Variants in IQGAP2 observed in about 807,000 individuals in gnomAD.
IQGAP2 encodes ras GTPase-activating-like protein IQGAP2.
In IQGAP2, 173 loss-of-function variants were observed where a neutral mutation model predicts 201.3. That is an observed-to-expected ratio of 0.86 (90% CI 0.76 to 0.98). The LOEUF (loss-of-function observed/expected upper bound fraction) is 0.98, where lower values mean the gene tolerates loss of function less well. Ranked by LOEUF, IQGAP2 falls within the 50% of genes least tolerant of loss-of-function variation. The pLI, the probability that IQGAP2 is intolerant of heterozygous loss-of-function variation, is 0.00. For synonymous variants in IQGAP2, 675 were observed against 673.9 expected (o/e 1.00, Z -0.03); for missense variants, 1,687 against 1,864.8 (o/e 0.90, Z 1.76).
At chr5:76,519,424 A>C (rs1245208026) in intron 2 of IQGAP2, among the ~76,000 whole-genome samples, 1 of 152,220 alleles carries the variant, frequency 6.6e-6, no homozygotes, top group Non-Finnish European at 1.5e-5. Flanking sequence ...CCTTGGAGAG[A>C]GATACCACAG....
intron 1 of IQGAP2, among the ~76,000 whole-genome samples, chr5:76,432,006 T>C (rs1469873261): frequency 6.6e-6 from 1 of 151,652 alleles, no homozygotes; most frequent in Non-Finnish European, 1.5e-5. Flanking sequence ...TTGTATTATC[T>C]CCCAAATGGA....
At chr5:76,615,024 T>A (rs914853818) in intron 13 of IQGAP2, among the ~76,000 whole-genome samples, 1 of 152,220 alleles carries the variant, frequency 6.6e-6, no homozygotes, top group Admixed American at 6.5e-5. Context: ...ATGTCAAGTA[T>A]AACCTTGTGT....
intron 5 of IQGAP2, among the ~76,000 whole-genome samples, chr5:76,585,739 C>T (rs1373633340): frequency 2.0e-5 from 3 of 152,072 alleles, no homozygotes; most frequent in African/African-American, 7.2e-5. Context: ...GTCTTGAGCT[C>T]TCAACCTCAG....
chr5:76,656,874 A>G (rs1395374867), intron 20 of IQGAP2, among the ~76,000 whole-genome samples: 3 of 146,688 alleles, frequency 2.0e-5, no homozygotes, highest in Non-Finnish European at 3.0e-5. Context: ...TTAGAAAACT[A>G]AGGCTTTGGG....
At chr5:76,623,912 G>A (rs371360994) in intron 13 of IQGAP2, among the ~76,000 whole-genome samples, 5 of 148,912 alleles carry the variant, frequency 3.4e-5, no homozygotes, top group African/African-American at 1.2e-4. Context: ...TTTCTTCGCC[G>A]GGTGAGGATG....
Position 76,403,524 on chromosome 5 carries a change from C to T in IQGAP2, c.-22C>T, listed in dbSNP as rs1750623610. ...GTAGCCGCGGGGGGCGCGCCCCGGG[C>T]GGGCCCCCGGAGACGCGCAGGATGC... is the stretch of plus-strand genomic sequence containing the variant. On this transcript the variant is annotated 5_prime_UTR_variant, in exon 1 of 36. Coordinates refer to ENST00000274364, the MANE Select transcript of IQGAP2 (RefSeq NM_006633.5). The surrounding 1 kb of genome is among the most constrained non-coding windows in gnomAD (Gnocchi z 4.8). The T allele has an allele frequency of 3.4e-6, 5 of 1,478,340 alleles. No individual in the cohort carries two copies. The highest frequency in any genetic ancestry group is 2.6e-5 in the South Asian group (2 of 77,212). The allele number at this position is 1,478,340 out of a possible 1,614,324, so 91.6% of individuals were successfully genotyped here.
chr5:76,618,293 T>G, intron 13 of IQGAP2: 1 of 1,614,184 alleles, frequency 6.2e-7, no homozygotes, highest in South Asian at 1.1e-5. Context: ...AAAGAAAATC[T>G]GCAATGGCCA....
Position 76,592,744 on chromosome 5 carries a change from G to A in IQGAP2, c.820-94G>A, listed in dbSNP as rs141128770. 39 of 820,012 alleles carry A rather than the reference G, an allele frequency of 4.8e-5. No individual in the cohort carries two copies. In the African/African-American group the frequency reaches 6.6e-4, roughly 14 times the overall value. 50.8% of individuals were successfully genotyped at this position (820,012 alleles called of 1,614,324 possible). On this transcript the variant is annotated intron_variant, in intron 8 of 35. Coordinates refer to ENST00000274364, the MANE Select transcript of IQGAP2 (RefSeq NM_006633.5). Reference sequence around the variant, plus strand: ...CAATGAATTTAAATAATTAGGGAATGGTTTTTGTCACTCTTCACATTTTTC... The same window carrying A: ...CAATGAATTTAAATAATTAGGGAATAGTTTTTGTCACTCTTCACATTTTTC...
chr5:76,585,160 T>A (rs1746151891), intron 5 of IQGAP2, among the ~76,000 whole-genome samples: 1 of 152,220 alleles, frequency 6.6e-6, no homozygotes, highest in Non-Finnish European at 1.5e-5. Flanking sequence ...GGTGGAAGCA[T>A]CTAAGGATAA....
chr5:76,427,105 T>C (rs1752053856), intron 1 of IQGAP2, among the ~76,000 whole-genome samples: 1 of 152,162 alleles, frequency 6.6e-6, no homozygotes, highest in African/African-American at 2.4e-5. Flanking sequence ...TTCTTGGTTG[T>C]GGGGTGCTGA....
chr5:76,562,357 A>G (rs1278571706), intron 2 of IQGAP2, 39 bp from the exon 3 acceptor site: 1 of 1,510,886 alleles, frequency 6.6e-7, no homozygotes, highest in East Asian at 2.3e-5. Flanking sequence ...AAGTTACCCA[A>G]CTGGAATCAC....
chr5:76,672,631 T>C (rs1420041197), intron 24 of IQGAP2, among the ~76,000 whole-genome samples: 2 of 152,190 alleles, frequency 1.3e-5, no homozygotes, highest in Non-Finnish European at 2.9e-5. Context: ...TCAGGGTATA[T>C]ATTCCAGTTG....
intron 35 of IQGAP2, 129 bp downstream of exon 35, chr5:76,702,719 A>AAACCAG: frequency 2.4e-5 from 14 of 583,096 alleles, no homozygotes; most frequent in Non-Finnish European, 3.1e-5. Flanking sequence ...TTATTTGCCA[A>AAACCAG]TATTTGTTAA....
chr5:76,417,666 C>T (rs1219077884), intron 1 of IQGAP2, among the ~76,000 whole-genome samples: 1 of 152,190 alleles, frequency 6.6e-6, no homozygotes. Flanking sequence ...CTGCAACCTC[C>T]GCCTCCTGGG....
At chr5:76,600,247 A>G (rs1747338146) in intron 10 of IQGAP2, among the ~76,000 whole-genome samples, 2 of 152,226 alleles carry the variant, frequency 1.3e-5, no homozygotes, top group South Asian at 2.1e-4. Flanking sequence ...ATTTCTTCAA[A>G]TATCTTGACC....
At chr5:76,690,217 C>G (rs1273822736) in intron 30 of IQGAP2, among the ~76,000 whole-genome samples, 2 of 152,076 alleles carry the variant, frequency 1.3e-5, no homozygotes, top group African/African-American at 4.8e-5. Context: ...ATATTAAGGT[C>G]ATTGGTAACT....
At chr5:76,691,125 A>G (rs944230685) in intron 30 of IQGAP2, among the ~76,000 whole-genome samples, 1 of 152,226 alleles carries the variant, frequency 6.6e-6, no homozygotes, top group African/African-American at 2.4e-5. Flanking sequence ...CACTAGACAC[A>G]CTGTAGTGGG....
At chr5:76,593,483 T>A (rs1324369538) in intron 9 of IQGAP2, among the ~76,000 whole-genome samples, 1 of 151,894 alleles carries the variant, frequency 6.6e-6, no homozygotes, top group Non-Finnish European at 1.5e-5. Flanking sequence ...AGCAGATGAG[T>A]TCCTCTTAGT....
At chr5:76,472,758 C>T (rs974071743) in intron 2 of IQGAP2, among the ~76,000 whole-genome samples, 2 of 152,120 alleles carry the variant, frequency 1.3e-5, no homozygotes, top group East Asian at 1.9e-4. Flanking sequence ...TACAAATAAT[C>T]GGTATTAATC....
Sources: gnomAD v4.1 joint callset for allele counts (sites outside exome capture counted in the v4.1 genomes callset) on GRCh38, gnomAD v4.1.1 for gene constraint, Gnocchi (gnomAD v3.1) non-coding constraint, MANE v1.5 for transcripts, NCBI Gene and HGNC (gene_info 2026-07-23, HGNC 2026-07-21) for gene names.